The following NGEF variants were observed in gnomAD, a reference collection of about 807,000 sequenced individuals.
The protein encoded by NGEF is ephexin-1.
In NGEF, 31 loss-of-function variants were observed where a neutral mutation model predicts 80.9. That is an observed-to-expected ratio of 0.38 (90% confidence interval 0.29 to 0.52). NGEF has a LOEUF of 0.52. Ranked by LOEUF, NGEF falls within the 20% of genes least tolerant of loss-of-function variation. NGEF has a pLI of 0.84. For missense variants in NGEF, 709 were observed against 926.2 expected (o/e 0.77, Z 3.04); for synonymous variants, 371 against 370.2 (o/e 1.00, Z -0.03).
At chr2:232,996,851 A>C (rs902094760) in intron 1 of NGEF, among the ~76,000 whole-genome samples, 5 of 152,170 alleles carry the variant, frequency 3.3e-5, no homozygotes, top group Admixed American at 3.3e-4. Flanking sequence ...AGGATACATA[A>C]AGAGCCCATG....
chr2:232,972,744 C>T (rs893256195), intron 2 of NGEF, among the ~76,000 whole-genome samples: 11 of 123,322 alleles, frequency 8.9e-5, no homozygotes, highest in Non-Finnish European at 1.2e-4. Flanking sequence ...TGTCCTTATC[C>T]TTTTTTTTTT....
At chr2:232,891,853 C>T (rs922295433) in intron 7 of NGEF, among the ~76,000 whole-genome samples, 1 of 152,198 alleles carries the variant, frequency 6.6e-6, no homozygotes, top group Admixed American at 6.5e-5. Flanking sequence ...CTAGAGACAC[C>T]ACCAGGACAG....
rs569797156 is a variant in NGEF, at chr2:233,001,873, G to C, written c.-75+11195C>G. 2.6e-3 allele frequency among the ~76,000 whole-genome samples: 396 copies of C among 152,312 alleles called. 1 individual carries two copies. The highest frequency in any genetic ancestry group is 4.4e-3 in the Non-Finnish European group (296 of 68,038). On this transcript the variant is annotated intron_variant, in intron 1 of 14. Transcript: ENST00000264051. ...CTACTAAAAATACAAAAATCAGCCA[G>C]TTGTGGTGGCGTGCACCTGTAATTG...
rs959933915 is a variant in NGEF at position 232,943,543 on chromosome 2, T to C, written c.384-16357A>G. On this transcript the variant is annotated intron_variant, in intron 3 of 14. Coordinates refer to ENST00000264051, the MANE Select transcript of NGEF (RefSeq NM_019850.3). The stretch of plus-strand genomic sequence containing the variant: ...CGGAGTCTCACTCTGTCGCCCAGGC[T>C]GGAGTGCAGTGGCGCGATCTCGGCT... 5.6e-5 allele frequency among the ~76,000 whole-genome samples: 7 copies of C among 125,150 alleles called. No homozygotes were observed. In the East Asian group the frequency reaches 1.4e-3, roughly 25 times the overall value. The allele number at this position is 125,150 out of a possible 152,430, so 82.1% of individuals were successfully genotyped here.
chr2:232,920,008 T>C (rs778356), intron 5 of NGEF, among the ~76,000 whole-genome samples: 120,363 of 152,216 alleles, frequency 0.79, 47,987 homozygotes, highest in African/African-American at 0.86. Flanking sequence ...ATGATGATAA[T>C]GAAGGGTGGA....
intron 5 of NGEF, among the ~76,000 whole-genome samples, chr2:232,916,058 C>A (rs1319236480): frequency 1.3e-5 from 2 of 152,274 alleles, no homozygotes; most frequent in East Asian, 3.9e-4. Flanking sequence ...TAAAGTGTAC[C>A]TCTTGGGAAC....
chr2:232,916,184 G>A (rs1416947987), intron 5 of NGEF, among the ~76,000 whole-genome samples: 11 of 152,244 alleles, frequency 7.2e-5, no homozygotes, highest in Admixed American at 7.2e-4. Context: ...AGATGCCATG[G>A]ACCAAGTGAG....
At chr2:232,998,311 TG>T (rs1694898512) in intron 1 of NGEF, among the ~76,000 whole-genome samples, 1 of 152,240 alleles carries the variant, frequency 6.6e-6, no homozygotes, top group Non-Finnish European at 1.5e-5. Flanking sequence ...GGTAAGTGGC[TG>T]AGGTGGGATT....
chr2:233,013,200 G>C lies in NGEF; in HGVS notation c.-207C>G, dbSNP rs1164393957. ...TCCACAGGCGCTCCACTCTGTCCCA[G>C]AGAGCCCACAGCCAAAAACTTCGTC... On this transcript the variant is annotated 5_prime_UTR_variant, in exon 1 of 15. Transcript: ENST00000264051. 2.1e-6 allele frequency: 1 copy of C among 471,154 alleles called. No homozygotes were observed. The highest frequency in any genetic ancestry group is 1.5e-5 in the South Asian group (1 of 64,562). The allele number at this position is 471,154 out of a possible 1,614,324, so 29.2% of individuals were successfully genotyped here. A position where few individuals can be genotyped will look rare whatever the true frequency, so the allele number is the denominator to read the frequency against.
chr2:232,933,339 C>T (rs1693257970), intron 3 of NGEF, among the ~76,000 whole-genome samples: 1 of 152,092 alleles, frequency 6.6e-6, no homozygotes, highest in African/African-American at 2.4e-5. Context: ...GCTCCCCTCT[C>T]CAGCAGCAAA....
intron 3 of NGEF, among the ~76,000 whole-genome samples, chr2:232,969,853 A>G (rs139362417): frequency 6.6e-6 from 1 of 152,084 alleles, no homozygotes; most frequent in African/African-American, 2.4e-5. Context: ...GTAGTATTCA[A>G]AATTTCCTAG....
chr2:232,879,444 G>A lies in NGEF; in HGVS notation c.*45C>T, dbSNP rs373086434. On this transcript the variant is annotated 3_prime_UTR_variant, in exon 15 of 15. Transcript: ENST00000264051. ...AGCCCCCCCCCCCCCACCTTCTGTC[G>A]GGGTCTCATGCAGGCCCTGCTCCCG... 127 of 1,411,312 alleles carry A rather than the reference G, an allele frequency of 9.0e-5. No individual in the cohort carries two copies. Among genetic ancestry groups the A allele is most frequent in the Middle Eastern group, 4.1e-4 (2 of 4,850 alleles). 87.4% of individuals were successfully genotyped at this position (1,411,312 alleles called of 1,614,324 possible). A position where few individuals can be genotyped will look rare whatever the true frequency, so the allele number is the denominator to read the frequency against.
At chr2:232,953,371 GAGAGA>G (rs111401132) in intron 3 of NGEF, among the ~76,000 whole-genome samples, 30,980 of 147,882 alleles carry the variant, frequency 0.21, 3,687 homozygotes, top group Middle Eastern at 0.34. Flanking sequence ...GAAAGAGAGA[GAGAGA>G]AAAGTGACCA....
At chr2:232,891,620 G>GA in intron 7 of NGEF, 133 bp from the exon 8 acceptor site, 1 of 1,050,350 alleles carries the variant, frequency 9.5e-7, no homozygotes, top group East Asian at 2.7e-5. Flanking sequence ...TTCTTTCTTT[G>GA]TTTTTTTTCA....
At chr2:232,895,809 T>C (rs2592121) in intron 5 of NGEF, among the ~76,000 whole-genome samples, 108,649 of 152,112 alleles carry the variant, frequency 0.71, 38,834 homozygotes, top group East Asian at 0.76. Context: ...ACCAATAAGG[T>C]GATTTTCATT....
intron 8 of NGEF, among the ~76,000 whole-genome samples, chr2:232,890,115 T>C (rs912101856): frequency 1.8e-5 from 2 of 114,012 alleles, no homozygotes; most frequent in African/African-American, 6.2e-5. Flanking sequence ...GCAAAGGGGG[T>C]CTCTGTCCTG....
At chr2:232,934,853 A>G (rs1270030355) in intron 3 of NGEF, among the ~76,000 whole-genome samples, 2 of 151,870 alleles carry the variant, frequency 1.3e-5, no homozygotes, top group Admixed American at 1.3e-4. Context: ...AGAAAAAATG[A>G]CAAAATTAGC....
Position 232,943,953 on chromosome 2 carries a change from C to T in NGEF, c.384-16767G>A, listed in dbSNP as rs529411614. 8.6e-5 allele frequency among the ~76,000 whole-genome samples: 13 copies of T among 151,990 alleles called. No homozygotes were observed. The South Asian group carries it at 2.5e-3, about 29-fold the overall frequency. ...TAAGTAATAGAACTACAAGTGCAGG[C>T]CGGGCGCGGTGGCTCACACCTGTAA... On this transcript the variant is annotated intron_variant, in intron 3 of 14. Transcript: ENST00000264051.
At chr2:233,000,069 C>T (rs1312627729) in intron 1 of NGEF, among the ~76,000 whole-genome samples, 2 of 152,156 alleles carry the variant, frequency 1.3e-5, no homozygotes. Context: ...CATGGCCAGG[C>T]TCTGGTGAGG....
Sources: gnomAD v4.1 joint callset for allele counts (sites outside exome capture counted in the v4.1 genomes callset) on GRCh38, gnomAD v4.1.1 for gene constraint, MANE v1.5 for transcripts, NCBI Gene and HGNC (gene_info 2026-07-23, HGNC 2026-07-21) for gene names.